ADARB2: variants seen among roughly 807,000 people sequenced by gnomAD.
ADARB2 encodes the protein adenosine deaminase RNA specific B2 (inactive).
In ADARB2, 25 loss-of-function variants were observed where a neutral mutation model predicts 62.2. The ratio of observed to expected loss-of-function variants is 0.40; its 90% CI spans 0.29 to 0.56. The LOEUF (loss-of-function observed/expected upper bound fraction) is 0.56, where lower values mean the gene tolerates loss of function less well. Among genes scored for constraint, ADARB2 ranks in the 20% least tolerant of loss-of-function variants. ADARB2 has a pLI of 0.43. For synonymous variants in ADARB2, 572 were observed against 500.8 expected (o/e 1.14, Z -1.90); for missense variants, 1,071 against 1,077.4 (o/e 0.99, Z 0.08).
chr10:1,286,903 T>C (rs1831418657), intron 3 of ADARB2, among the ~76,000 whole-genome samples: 1 of 152,224 alleles, frequency 6.6e-6, no homozygotes, highest in Non-Finnish European at 1.5e-5. Flanking sequence ...CCAGCTGCTG[T>C]TGTTATTGCC....
chr10:1,634,702 G>C, intron 1 of ADARB2, among the ~76,000 whole-genome samples: 1 of 152,158 alleles, frequency 6.6e-6, no homozygotes, highest in East Asian at 1.9e-4. Context: ...AATCTTTCCA[G>C]TTGATACACT....
intron 1 of ADARB2, among the ~76,000 whole-genome samples, chr10:1,589,415 G>A (rs942635861): frequency 2.6e-5 from 4 of 151,124 alleles, no homozygotes; most frequent in African/African-American, 7.3e-5. Flanking sequence ...GGGCGTCTGC[G>A]GTCAGGGCAT....
chr10:1,425,562 C>G (rs1239055846), intron 1 of ADARB2, among the ~76,000 whole-genome samples: 1 of 152,228 alleles, frequency 6.6e-6, no homozygotes, highest in African/African-American at 2.4e-5. Flanking sequence ...GGGCAGGTCT[C>G]TGTGGAGCAC....
chr10:1,485,010 G>T (rs574254044), intron 1 of ADARB2, among the ~76,000 whole-genome samples: 41 of 152,098 alleles, frequency 2.7e-4, no homozygotes, highest in Non-Finnish European at 5.3e-4. Context: ...ATGTATACAG[G>T]TACATATATA....
At chr10:1,387,259 A>G (rs1030182277) in intron 1 of ADARB2, among the ~76,000 whole-genome samples, 2 of 151,958 alleles carry the variant, frequency 1.3e-5, no homozygotes, top group Non-Finnish European at 2.9e-5. Flanking sequence ...AACTACTAAA[A>G]TTAATAGTAG....
intron 1 of ADARB2, among the ~76,000 whole-genome samples, chr10:1,575,190 C>T (rs1005933737): frequency 1.4e-4 from 21 of 152,062 alleles, no homozygotes; most frequent in African/African-American, 5.1e-4. Flanking sequence ...CCTCATGGAA[C>T]GGCTTGCTTG....
chr10:1,249,345 G>T (rs1049114558), intron 4 of ADARB2, among the ~76,000 whole-genome samples: 8 of 152,014 alleles, frequency 5.3e-5, no homozygotes, highest in African/African-American at 1.9e-4. Context: ...GAGAGACTGA[G>T]GTGGGAGGAT....
intron 4 of ADARB2, among the ~76,000 whole-genome samples, chr10:1,267,736 GGTGGAGGCGGAGCCTCTGCGTGTCCT>G (rs1831219648): frequency 1.3e-5 from 2 of 152,248 alleles, no homozygotes. Flanking sequence ...TGGAGCTGGG[GGTGGAGGCGGAGCCTCTGCGTGTCCT>G]GACGCCAGGC....
intron 1 of ADARB2, among the ~76,000 whole-genome samples, chr10:1,514,612 C>T (rs1437202409): frequency 6.6e-6 from 1 of 151,786 alleles, no homozygotes; most frequent in Non-Finnish European, 1.5e-5. Flanking sequence ...CTCCTATGGC[C>T]TTGGAGTGCT....
At position 1,363,248 on chromosome 10, in the gene ADARB2, A is replaced by C; in HGVS notation, c.857T>G (p.Leu286Arg). ...ERNPVVLLNR[L>R]RAGLRYVCLA... ...ACACACGTAGCGCAGCCCGGCGCGC[A>C]GGCGGTTCAGCAGCACCACGGGGTT... Residue 286 changes from leucine to arginine, a missense_variant, in exon 3 of 10, where the codon CTG (leucine) becomes CGG (arginine). By Grantham distance (102) the Leu-to-Arg change is moderately radical. Transcript: ENST00000381312. 1 of 1,351,244 alleles carries C rather than the reference A, an allele frequency of 7.4e-7. No homozygotes were observed. The highest frequency in any genetic ancestry group is 9.5e-7 in the Non-Finnish European group (1 of 1,047,866). 83.7% of individuals were successfully genotyped at this position (1,351,244 alleles called of 1,614,324 possible). A position where few individuals can be genotyped will look rare whatever the true frequency, so the allele number is the denominator to read the frequency against.
At chr10:1,186,146 A>G (rs1283382958) in intron 8 of ADARB2, among the ~76,000 whole-genome samples, 8 of 152,208 alleles carry the variant, frequency 5.3e-5, no homozygotes, top group African/African-American at 1.9e-4. Context: ...TGCATTTGGC[A>G]ATGTGACCCT....
intron 3 of ADARB2, among the ~76,000 whole-genome samples, chr10:1,304,825 C>T (rs1831610778): frequency 6.7e-6 from 1 of 149,136 alleles, no homozygotes; most frequent in Admixed American, 6.8e-5. Flanking sequence ...TCTTTGAAAC[C>T]AATGAGAACA....
rs569174086 is a variant in ADARB2, at chr10:1,383,852, T to A, written c.101-4692A>T. Among the ~76,000 whole-genome samples the A allele has an allele frequency of 2.9e-4, 44 of 152,366 alleles. 1 individual carries two copies. In the South Asian group the frequency reaches 9.1e-3, roughly 32 times the overall value. ...AAGGCTGCTTAAGGAGATCCTCATTTTCCTATCTTTTTCTGCCCGAGTAAA... is the reference window on the plus strand; with the variant it reads ...AAGGCTGCTTAAGGAGATCCTCATTATCCTATCTTTTTCTGCCCGAGTAAA... On this transcript the variant is annotated intron_variant, in intron 1 of 9. Coordinates refer to ENST00000381312, the MANE Select transcript of ADARB2 (RefSeq NM_018702.4).
At chr10:1,392,158 T>C (rs1832576307) in intron 1 of ADARB2, among the ~76,000 whole-genome samples, 1 of 152,200 alleles carries the variant, frequency 6.6e-6, no homozygotes, top group African/African-American at 2.4e-5. Context: ...TTTGAGTCTG[T>C]CCTTATTTCA....
intron 3 of ADARB2, among the ~76,000 whole-genome samples, chr10:1,315,643 C>T (rs1470072390): frequency 6.6e-6 from 1 of 152,204 alleles, no homozygotes; most frequent in East Asian, 1.9e-4. Context: ...ACCCTGGCCT[C>T]CCAGGGAGGG....
In ADARB2 at chr10:1,482,440, C is replaced by A. The variant is rs577451029; in HGVS notation, c.101-103280G>T. Among the ~76,000 whole-genome samples, 11 of 152,254 alleles carry A rather than the reference C, an allele frequency of 7.2e-5. 1 individual carries two copies. The South Asian group carries it at 2.3e-3, about 32-fold the overall frequency. ...ATGAGCCGGCCATGAAAGGACAAAT[C>A]CTGTGTGATTCCACTTGCATGAGGG... On this transcript the variant is annotated intron_variant, in intron 1 of 9. Coordinates refer to ENST00000381312, the MANE Select transcript of ADARB2 (RefSeq NM_018702.4).
intron 1 of ADARB2, among the ~76,000 whole-genome samples, chr10:1,732,728 A>T (rs1034911333): frequency 6.6e-6 from 1 of 152,006 alleles, no homozygotes; most frequent in East Asian, 1.9e-4. Context: ...ACCGGCGGGG[A>T]CGACTGTAGC....
chr10:1,618,866 G>A (rs1435251837), intron 1 of ADARB2, among the ~76,000 whole-genome samples: 4 of 152,126 alleles, frequency 2.6e-5, no homozygotes, highest in African/African-American at 9.7e-5. Flanking sequence ...TCCAGCAATG[G>A]CCATTTGAAG....
chr10:1,409,945 AG>A, intron 1 of ADARB2, among the ~76,000 whole-genome samples: 1 of 44,812 alleles, frequency 2.2e-5, no homozygotes. Flanking sequence ...AAGGATTCTC[AG>A]TGGTGCCGAG....
Sources: gnomAD v4.1 joint callset for allele counts (sites outside exome capture counted in the v4.1 genomes callset) on GRCh38, gnomAD v4.1.1 for gene constraint, MANE v1.5 for transcripts, NCBI Gene and HGNC (gene_info 2026-07-23, HGNC 2026-07-21) for gene names.